The following WDR41 variants were observed in gnomAD, a reference collection of about 807,000 sequenced individuals.
WDR41 encodes the protein WD repeat domain 41.
In WDR41, 63 loss-of-function variants were observed where a neutral mutation model predicts 69.3. The observed-to-expected ratio is 0.91, with a 90% CI of 0.74 to 1.12. WDR41 has a LOEUF of 1.12. Ranked by LOEUF, WDR41 falls within the 50% of genes most tolerant of loss-of-function variation. The probability of loss-of-function intolerance (pLI) is 0.00; values close to 1 mark genes in which losing one functional copy is unlikely to be tolerated. For synonymous variants in WDR41, 185 were observed against 192.1 expected, an observed-to-expected ratio of 0.96 and a Z score of 0.31; for missense variants, 543 against 534.5, an observed-to-expected ratio of 1.02 and a Z score of -0.16.
upstream of WDR41, among the ~76,000 whole-genome samples, chr5:77,494,864 C>T (rs1281578555): frequency 1.3e-5 from 2 of 152,134 alleles, no homozygotes; most frequent in African/African-American, 4.8e-5. Context: ...ATCTCAAGCA[C>T]ATGTAAGACA....
At chr5:77,436,227 G>A (rs929150644) in intron 12 of WDR41, 34 bp downstream of exon 12, 10 of 1,591,174 alleles carry the variant, frequency 6.3e-6, no homozygotes, top group Non-Finnish European at 7.7e-6. Flanking sequence ...AAAAGCAGGA[G>A]TTGCTTGGAC....
At chr5:77,600,964 T>TGTGTGTG (rs70988695) in intron 1 of WDR41, among the ~76,000 whole-genome samples, 1 of 149,144 alleles carries the variant, frequency 6.7e-6, no homozygotes, top group Non-Finnish European at 1.5e-5. Flanking sequence ...TGTGTGTGTG[T>TGTGTGTG]AAGGCCATAA....
chr5:77,526,854 C>T (rs570784150), intron 1 of WDR41, among the ~76,000 whole-genome samples: 1 of 152,198 alleles, frequency 6.6e-6, no homozygotes, highest in African/African-American at 2.4e-5. Flanking sequence ...TCAATGCTAA[C>T]GTGATGATTG....
At chr5:77,446,306 CATAG>C (rs1442444197) in intron 8 of WDR41, among the ~76,000 whole-genome samples, 1 of 152,158 alleles carries the variant, frequency 6.6e-6, no homozygotes, top group Non-Finnish European at 1.5e-5. Context: ...ATTTCATCCT[CATAG>C]ATAGGAAGAA....
At chr5:77,558,107 A>AAAAC (rs1416934460) in intron 1 of WDR41, among the ~76,000 whole-genome samples, 1 of 148,538 alleles carries the variant, frequency 6.7e-6, no homozygotes, top group African/African-American at 2.5e-5. Context: ...AAAAAAAAAA[A>AAAAC]AAAAAAAAAC....
chr5:77,561,246 A>G (rs1316727955), intron 1 of WDR41, among the ~76,000 whole-genome samples: 1 of 152,182 alleles, frequency 6.6e-6, no homozygotes, highest in East Asian at 1.9e-4. Context: ...AGATGACATT[A>G]CTATGCTAGT....
At chr5:77,485,404 T>C (rs1801469735) in intron 2 of WDR41, among the ~76,000 whole-genome samples, 1 of 152,106 alleles carries the variant, frequency 6.6e-6, no homozygotes, top group South Asian at 2.1e-4. Context: ...CTATACTGAG[T>C]TTATTTACTT....
intron 8 of WDR41, among the ~76,000 whole-genome samples, chr5:77,446,923 G>A (rs1799408346): frequency 6.6e-6 from 1 of 152,158 alleles, no homozygotes; most frequent in African/African-American, 2.4e-5. Flanking sequence ...GCTGACAAAT[G>A]GGAACTAATG....
chr5:77,546,892 A>T (rs964166066), intron 1 of WDR41, among the ~76,000 whole-genome samples: 3 of 152,110 alleles, frequency 2.0e-5, no homozygotes, highest in African/African-American at 7.2e-5. Flanking sequence ...TAGCTAACCG[A>T]ATCCAACAAA....
At chr5:77,606,855 A>G (rs1053600520) in intron 1 of WDR41, among the ~76,000 whole-genome samples, 2 of 150,980 alleles carry the variant, frequency 1.3e-5, no homozygotes, top group African/African-American at 2.4e-5. Flanking sequence ...ATGGGATATC[A>G]TGAGGCTTGG....
At chr5:77,523,632 AGT>A (rs1473013709) in intron 1 of WDR41, among the ~76,000 whole-genome samples, 1 of 152,026 alleles carries the variant, frequency 6.6e-6, no homozygotes, top group Non-Finnish European at 1.5e-5. Context: ...GGGTTTAGTA[AGT>A]GTCACTTCAG....
chr5:77,578,748 C>T (rs1391495381), intron 1 of WDR41, among the ~76,000 whole-genome samples: 3 of 151,292 alleles, frequency 2.0e-5, no homozygotes, highest in African/African-American at 7.3e-5. Flanking sequence ...CCTGTAATCC[C>T]AGCTACTCAG....
chr5:77,504,460 T>C (rs1802074573), intron 1 of WDR41, among the ~76,000 whole-genome samples: 2 of 152,220 alleles, frequency 1.3e-5, no homozygotes, highest in African/African-American at 4.8e-5. Context: ...GAAGAGCTGG[T>C]ACCATTCCTT....
intron 6 of WDR41, 37 bp downstream of exon 6, chr5:77,453,780 G>T: frequency 6.6e-7 from 1 of 1,510,244 alleles, no homozygotes; most frequent in Non-Finnish European, 9.2e-7. Context: ...CTTCTAGTCT[G>T]TCAATCATAG....
chr5:77,580,107 G>GA (rs1743909569), intron 1 of WDR41, among the ~76,000 whole-genome samples: 1 of 152,168 alleles, frequency 6.6e-6, no homozygotes, highest in African/African-American at 2.4e-5. Flanking sequence ...AGACATTATT[G>GA]AAATTAAACG....
intron 1 of WDR41, among the ~76,000 whole-genome samples, chr5:77,558,094 T>TTAAAAA (rs1554036365): frequency 9.6e-6 from 1 of 104,280 alleles, no homozygotes; most frequent in African/African-American, 3.6e-5. Context: ...ATGTTCTTTT[T>TTAAAAA]AAAAAAAAAA....
At chr5:77,528,609 G>T (rs1027172588) in intron 1 of WDR41, among the ~76,000 whole-genome samples, 1 of 151,654 alleles carries the variant, frequency 6.6e-6, no homozygotes, top group Non-Finnish European at 1.5e-5. Context: ...CCTCATTCAT[G>T]TACATAATTT....
chr5:77,492,434 G>C (rs1346718234), upstream of WDR41: 1 of 542,160 alleles, frequency 1.8e-6, no homozygotes, highest in Non-Finnish European at 3.0e-6. Flanking sequence ...GGCTTAGTTT[G>C]GGCAGTCGCT....
chr5:77,457,607 C>T (rs1370478579), intron 5 of WDR41, among the ~76,000 whole-genome samples: 3 of 151,900 alleles, frequency 2.0e-5, no homozygotes, highest in Non-Finnish European at 2.9e-5. Context: ...AACTACCTTC[C>T]GGGAAGATCA....
Sources: allele counts gnomAD v4.1 joint callset (sites outside exome capture counted in the v4.1 genomes callset), GRCh38; gene constraint gnomAD v4.1.1; transcripts MANE v1.5; gene names NCBI Gene and HGNC (gene_info 2026-07-23, HGNC 2026-07-21).